Variants in NRXN3 observed in about 807,000 individuals in gnomAD.
The protein encoded by NRXN3 is neurexin 3.
In NRXN3, 32 loss-of-function variants were observed where a neutral mutation model predicts 137.6. The ratio of observed to expected loss-of-function variants is 0.23; its 90% CI spans 0.18 to 0.31. NRXN3 has a LOEUF of 0.31. NRXN3 is among the 10% of genes least tolerant of loss of function. NRXN3 has a pLI of 1.00. For missense variants in NRXN3, 1,574 were observed against 2,062.5 expected, an observed-to-expected ratio of 0.76 and a Z score of 4.59; for synonymous variants, 798 against 784.5, an observed-to-expected ratio of 1.02 and a Z score of -0.29.
rs990017339 is a variant in NRXN3 at position 79,755,496 on chromosome 14, C to G, written c.4015-49616C>G. On this transcript the variant is annotated intron_variant, in intron 19 of 20. Transcript: ENST00000335750. ...ATTTCTATCTTGGTCTGGAAATACC[C>G]CCACTTCCATTTTTTATGAAGTAAA... 7.9e-5 allele frequency among the ~76,000 whole-genome samples: 12 copies of G among 152,010 alleles called. No individual in the cohort carries two copies. The East Asian group carries it at 1.2e-3, about 15-fold the overall frequency.
intron 8 of NRXN3, among the ~76,000 whole-genome samples, chr14:78,755,162 T>C (rs2098662184): frequency 6.6e-6 from 1 of 151,436 alleles, no homozygotes; most frequent in Non-Finnish European, 1.5e-5. Context: ...ACTATGGGTG[T>C]GCACCACCAT....
At chr14:79,302,388 C>T (rs1404313285) in intron 15 of NRXN3, among the ~76,000 whole-genome samples, 3 of 151,810 alleles carry the variant, frequency 2.0e-5, no homozygotes, top group Non-Finnish European at 4.4e-5. Flanking sequence ...TGGTGAGGCC[C>T]CAGGAAGCTT....
intron 15 of NRXN3, among the ~76,000 whole-genome samples, chr14:79,199,681 G>T (rs929238089): frequency 2.6e-5 from 4 of 152,178 alleles, no homozygotes; most frequent in African/African-American, 9.7e-5. Flanking sequence ...TATTCCCTGG[G>T]GTAGTCAAAG....
intron 16 of NRXN3, among the ~76,000 whole-genome samples, chr14:79,599,320 A>T (rs1164163215): frequency 1.3e-5 from 2 of 152,180 alleles, no homozygotes; most frequent in African/African-American, 4.8e-5. Context: ...TATCTCCCTG[A>T]TAAGCATCTG....
At chr14:78,206,956 C>T (rs540857975) in intron 1 of NRXN3, among the ~76,000 whole-genome samples, 4 of 152,074 alleles carry the variant, frequency 2.6e-5, no homozygotes, top group East Asian at 3.9e-4. Flanking sequence ...TTCTGCCTCC[C>T]GGGTTCAAGC....
At chr14:79,337,500 A>G (rs1180301526) in intron 15 of NRXN3, among the ~76,000 whole-genome samples, 2 of 152,232 alleles carry the variant, frequency 1.3e-5, no homozygotes, top group African/African-American at 4.8e-5. Context: ...TCTTCCATGC[A>G]GTATAATCTG....
At chr14:79,554,606 G>A (rs150983653) in intron 16 of NRXN3, among the ~76,000 whole-genome samples, 6 of 152,250 alleles carry the variant, frequency 3.9e-5, no homozygotes, top group African/African-American at 9.6e-5. Context: ...GGATGCAAGA[G>A]CTGTCAAACA....
intron 16 of NRXN3, among the ~76,000 whole-genome samples, chr14:79,638,603 T>C (rs1315186402): frequency 6.6e-6 from 1 of 152,246 alleles, no homozygotes; most frequent in Non-Finnish European, 1.5e-5. Flanking sequence ...TGAATTTTGG[T>C]ATAAAAACAT....
chr14:78,365,585 C>T (rs1452521564), intron 4 of NRXN3, among the ~76,000 whole-genome samples: 3 of 152,228 alleles, frequency 2.0e-5, no homozygotes, highest in South Asian at 4.2e-4. Context: ...AAAGCTGGGA[C>T]ATGTTGACCG....
chr14:79,261,818 A>G (rs2077643541), intron 15 of NRXN3, among the ~76,000 whole-genome samples: 1 of 152,120 alleles, frequency 6.6e-6, no homozygotes, highest in South Asian at 2.1e-4. Context: ...AGAAGAAGTG[A>G]GGATGGGAGA....
intron 19 of NRXN3, among the ~76,000 whole-genome samples, chr14:79,729,203 CAA>C (rs796724106): frequency 2.6e-5 from 4 of 152,252 alleles, no homozygotes; most frequent in African/African-American, 9.6e-5. Context: ...AGTAGATTAA[CAA>C]AGTTGGCATT....
rs2099416193 is a variant in NRXN3, at chr14:79,863,474, T to C, written c.*1510T>C. The stretch of plus-strand genomic sequence containing the variant: ...AGCAAACCTTAAAATGTGAAGAAAG[T>C]GTGAATTTTAGTTTTGTCACAGTTA... On this transcript the variant is annotated 3_prime_UTR_variant, in exon 21 of 21. Transcript: ENST00000335750. The C allele has an allele frequency of 1.3e-5, 2 of 152,222 alleles. No homozygotes were observed. Among genetic ancestry groups the C allele is most frequent in the African/African-American group, 4.8e-5 (2 of 41,360 alleles). The allele number at this position is 152,222 out of a possible 1,614,324, so 9.4% of individuals were successfully genotyped here.
chr14:78,651,771 C>T (rs1369897027), intron 6 of NRXN3, among the ~76,000 whole-genome samples: 1 of 152,112 alleles, frequency 6.6e-6, no homozygotes, highest in Non-Finnish European at 1.5e-5. Flanking sequence ...ATCATGAGAA[C>T]AGCATGGGAA....
At chr14:79,235,617 A>G (rs2073223156) in intron 15 of NRXN3, among the ~76,000 whole-genome samples, 1 of 152,168 alleles carries the variant, frequency 6.6e-6, no homozygotes, top group African/African-American at 2.4e-5. Context: ...CAGTTAGGAC[A>G]TTGTCAACAC....
intron 15 of NRXN3, among the ~76,000 whole-genome samples, chr14:79,075,160 G>GATTT (rs2045762692): frequency 6.6e-6 from 1 of 152,086 alleles, no homozygotes; most frequent in Admixed American, 6.6e-5. Flanking sequence ...TTATGCATTT[G>GATTT]ATTTTTGCTT....
chr14:78,678,341 C>T (rs1328221047), intron 6 of NRXN3, among the ~76,000 whole-genome samples: 1 of 146,100 alleles, frequency 6.8e-6, no homozygotes, highest in African/African-American at 2.5e-5. Flanking sequence ...TTTGTAGAGA[C>T]AGGGTTTCAC....
intron 4 of NRXN3, among the ~76,000 whole-genome samples, chr14:78,370,791 A>G (rs771110018): frequency 5.3e-5 from 8 of 152,216 alleles, no homozygotes; most frequent in Non-Finnish European, 1.0e-4. Flanking sequence ...ATGGATGTCT[A>G]AGATTGAACT....
chr14:79,771,861 G>A (rs879167605), intron 19 of NRXN3, among the ~76,000 whole-genome samples: 6 of 117,010 alleles, frequency 5.1e-5, no homozygotes, highest in Admixed American at 9.7e-5. Context: ...TGACATGATT[G>A]TATATCTAGA....
intron 16 of NRXN3, among the ~76,000 whole-genome samples, chr14:79,474,909 C>T (rs1455805486): frequency 6.6e-6 from 1 of 152,018 alleles, no homozygotes; most frequent in South Asian, 2.1e-4. Context: ...CCATCACCAC[C>T]ACCAATAGAA....
Sources: gnomAD v4.1 joint callset for allele counts (sites outside exome capture counted in the v4.1 genomes callset) on GRCh38, gnomAD v4.1.1 for gene constraint, MANE v1.5 for transcripts, NCBI Gene and HGNC (gene_info 2026-07-23, HGNC 2026-07-21) for gene names.